Variants in RBMS3 observed in about 807,000 individuals in gnomAD.
RBMS3 encodes RNA binding motif single stranded interacting protein 3, also known as RNA-binding motif, single-stranded-interacting protein 3.
RBMS3 carries 27 observed loss-of-function variants against 66.8 expected under a neutral mutation model. The observed-to-expected ratio is 0.40, with a 90% CI of 0.30 to 0.56. The LOEUF (loss-of-function observed/expected upper bound fraction) is 0.56. Among genes scored for constraint, RBMS3 ranks in the 20% least tolerant of loss-of-function variants. The probability of loss-of-function intolerance (pLI) is 0.40; values close to 1 mark genes in which losing one functional copy is unlikely to be tolerated. For synonymous variants in RBMS3, 188 were observed against 183.0 expected (o/e 1.03, Z -0.22); for missense variants, 513 against 549.5 (o/e 0.93, Z 0.66).
At chr3:29,547,071 G>C (rs370843712) in intron 3 of RBMS3, among the ~76,000 whole-genome samples, 1 of 152,058 alleles carries the variant, frequency 6.6e-6, no homozygotes, top group East Asian at 1.9e-4. Context: ...GAACTCCTGG[G>C]CACAAAGGAT....
chr3:29,868,716 G>T, intron 6 of RBMS3, 142 bp from the exon 7 acceptor site: 1 of 704,558 alleles, frequency 1.4e-6, no homozygotes, highest in Non-Finnish European at 2.3e-6. Context: ...ACAGAGCTGA[G>T]ACTAAAAGGG....
chr3:29,586,110 A>G lies in RBMS3; in HGVS notation c.308-1004A>G, dbSNP rs1035110241. Among the ~76,000 whole-genome samples the G allele has an allele frequency of 3.3e-5, 5 of 152,166 alleles. No individual in the cohort carries two copies. In the East Asian group the frequency reaches 7.7e-4, roughly 24 times the overall value. ...TTCTAAATGAGATAAGTATAAGAAT[A>G]CAGATGATTCCCTGCCTGACAGATG... On this transcript the variant is annotated intron_variant, in intron 3 of 14. Coordinates refer to ENST00000383767, the MANE Select transcript of RBMS3 (RefSeq NM_001003793.3).
chr3:29,884,063 T>C, intron 7 of RBMS3, 99 bp from the exon 8 acceptor site: 3 of 1,040,216 alleles, frequency 2.9e-6, no homozygotes, highest in Non-Finnish European at 4.4e-6. Context: ...ACTTAGATCA[T>C]GGAAAGTAAT....
intron 4 of RBMS3, among the ~76,000 whole-genome samples, chr3:29,625,573 C>T (rs2049029828): frequency 6.6e-6 from 1 of 151,918 alleles, no homozygotes; most frequent in Non-Finnish European, 1.5e-5. Flanking sequence ...TGGTGTGCAC[C>T]TATAAACCTG....
chr3:29,778,832 T>G (rs1251592646), intron 6 of RBMS3, among the ~76,000 whole-genome samples: 1 of 151,922 alleles, frequency 6.6e-6, no homozygotes, highest in Non-Finnish European at 1.5e-5. Flanking sequence ...TGGTAAATAC[T>G]AAGTGTTACT....
At chr3:29,743,209 T>G (rs1234970978) in intron 5 of RBMS3, among the ~76,000 whole-genome samples, 2 of 152,332 alleles carry the variant, frequency 1.3e-5, no homozygotes, top group East Asian at 3.9e-4. Context: ...GCTTTTGCCT[T>G]AACTAATTTG....
Position 29,673,986 on chromosome 3 carries a change from T to C in RBMS3, c.400-65734T>C, listed in dbSNP as rs542874712. On this transcript the variant is annotated intron_variant, in intron 4 of 14. Coordinates refer to ENST00000383767, the MANE Select transcript of RBMS3 (RefSeq NM_001003793.3). ...TTTAGATCAATATGCCTGATGAACA[T>C]CGATGCAAAAATCCTCAATAAAATA... Among the ~76,000 whole-genome samples the C allele has an allele frequency of 4.3e-3, 660 of 152,314 alleles. 15 individuals carry two copies. The highest frequency in any genetic ancestry group is 0.036 in the Admixed American group (553 of 15,306).
chr3:29,740,838 G>A (rs933959674), intron 5 of RBMS3, among the ~76,000 whole-genome samples: 2 of 151,942 alleles, frequency 1.3e-5, no homozygotes, highest in African/African-American at 2.4e-5. Context: ...TCAGGAGTTC[G>A]AGACCAGCCT....
At chr3:29,684,075 A>G (rs1427924442) in intron 4 of RBMS3, among the ~76,000 whole-genome samples, 1 of 152,202 alleles carries the variant, frequency 6.6e-6, no homozygotes, top group Non-Finnish European at 1.5e-5. Context: ...ATTCACACCA[A>G]TATGTTATAA....
intron 1 of RBMS3, among the ~76,000 whole-genome samples, chr3:29,314,902 G>C (rs1390544201): frequency 6.6e-6 from 1 of 151,566 alleles, no homozygotes; most frequent in East Asian, 1.9e-4. Context: ...CCAGTAGCTG[G>C]CATGAGATCA....
At chr3:29,928,207 T>TAC (rs1462382952) in intron 10 of RBMS3, among the ~76,000 whole-genome samples, 4,568 of 111,296 alleles carry the variant, frequency 0.041, 95 homozygotes, top group Non-Finnish European at 0.062. Flanking sequence ...TATATATATA[T>TAC]ATATACACAC....
At chr3:29,364,176 C>T (rs2037769113) in intron 1 of RBMS3, among the ~76,000 whole-genome samples, 1 of 152,058 alleles carries the variant, frequency 6.6e-6, no homozygotes, top group Non-Finnish European at 1.5e-5. Context: ...TAAAAATTCT[C>T]AAATATATCA....
rs58750574 is a variant in RBMS3, at chr3:29,804,646, C to T, written c.637+41657C>T. 7.3e-3 allele frequency among the ~76,000 whole-genome samples: 1,115 copies of T among 152,030 alleles called. 17 individuals carry two copies. The highest frequency in any genetic ancestry group is 0.026 in the African/African-American group (1,071 of 41,494). On this transcript the variant is annotated intron_variant, in intron 6 of 14. Transcript: ENST00000383767. ...TCTGTATGTTTTTAAAAAATGCTGCCATATCTTACTATTTATTTCTGGAAA... is the reference window on the plus strand; with the variant it reads ...TCTGTATGTTTTTAAAAAATGCTGCTATATCTTACTATTTATTTCTGGAAA...
At chr3:29,304,334 A>C (rs774529971) in intron 1 of RBMS3, among the ~76,000 whole-genome samples, 1 of 151,972 alleles carries the variant, frequency 6.6e-6, no homozygotes, top group Non-Finnish European at 1.5e-5. Context: ...TTTATGCTAT[A>C]TATTCTAAGT....
At chr3:29,576,031 T>A (rs1164262472) in intron 3 of RBMS3, among the ~76,000 whole-genome samples, 2 of 152,174 alleles carry the variant, frequency 1.3e-5, no homozygotes, top group East Asian at 1.9e-4. Context: ...TTTGGTCAGG[T>A]CATGTCTTCT....
intron 12 of RBMS3, among the ~76,000 whole-genome samples, chr3:29,951,731 A>C (rs529096775): frequency 1.3e-4 from 19 of 151,774 alleles, no homozygotes; most frequent in African/African-American, 4.6e-4. Context: ...CAATATCTAA[A>C]AATAAAAGAA....
intron 2 of RBMS3, among the ~76,000 whole-genome samples, chr3:29,469,016 T>A (rs1213609159): frequency 1.3e-5 from 2 of 152,112 alleles, no homozygotes; most frequent in Non-Finnish European, 2.9e-5. Context: ...TTACAAACAT[T>A]TGTTCTTTCT....
intron 2 of RBMS3, among the ~76,000 whole-genome samples, chr3:29,449,326 TCTTA>T (rs1001607867): frequency 2.0e-5 from 3 of 152,230 alleles, no homozygotes; most frequent in African/African-American, 7.2e-5. Flanking sequence ...TTATATCCTT[TCTTA>T]CTTTCAAAAA....
At chr3:29,991,340 C>A (rs1311156127) in intron 14 of RBMS3, 131 bp downstream of exon 14, 4 of 1,463,984 alleles carry the variant, frequency 2.7e-6, no homozygotes, top group Non-Finnish European at 1.8e-6. Flanking sequence ...TTATTTAGCT[C>A]ATGATTATGT....
Sources: allele counts gnomAD v4.1 joint callset (sites outside exome capture counted in the v4.1 genomes callset), GRCh38; gene constraint gnomAD v4.1.1; transcripts MANE v1.5; gene names NCBI Gene and HGNC (gene_info 2026-07-23, HGNC 2026-07-21).